Variants in MACROD2 observed in about 807,000 individuals in gnomAD.
The protein encoded by MACROD2 is ADP-ribose glycohydrolase MACROD2.
Under a neutral mutation model 70.4 loss-of-function variants are expected in MACROD2, and 36 were observed. That is an observed-to-expected ratio of 0.51 (90% CI 0.39 to 0.68). MACROD2 has a LOEUF of 0.68. MACROD2 is among the 30% of genes least tolerant of loss of function. MACROD2 has a pLI of 0.00. For synonymous variants in MACROD2, 172 were observed against 178.8 expected (o/e 0.96, Z 0.30); for missense variants, 496 against 538.4 (o/e 0.92, Z 0.78).
intron 3 of MACROD2, among the ~76,000 whole-genome samples, chr20:14,207,354 C>T (rs1357821284): frequency 6.6e-6 from 1 of 152,150 alleles, no homozygotes; most frequent in African/African-American, 2.4e-5. Flanking sequence ...CCCGTCTTGG[C>T]CTCCCAAAGT....
intron 3 of MACROD2, among the ~76,000 whole-genome samples, chr20:14,452,787 A>T (rs1454669436): frequency 6.6e-6 from 1 of 152,102 alleles, no homozygotes; most frequent in Non-Finnish European, 1.5e-5. Flanking sequence ...GATTTTTTGC[A>T]TTTAGATTTG....
intron 10 of MACROD2, among the ~76,000 whole-genome samples, chr20:15,912,272 G>C (rs1021926207): frequency 2.6e-5 from 4 of 152,114 alleles, no homozygotes; most frequent in Non-Finnish European, 5.9e-5. Context: ...ATTTCCCTTT[G>C]GGTGTTCAAT....
intron 6 of MACROD2, among the ~76,000 whole-genome samples, chr20:15,386,302 G>T (rs187171610): frequency 8.4e-4 from 128 of 152,234 alleles, no homozygotes; most frequent in African/African-American, 3.1e-3. Flanking sequence ...ATATTAGCTC[G>T]TTTTCGTCTA....
At chr20:15,235,872 A>G (rs1016937852) in intron 6 of MACROD2, among the ~76,000 whole-genome samples, 2 of 152,158 alleles carry the variant, frequency 1.3e-5, no homozygotes, top group Admixed American at 6.5e-5. Context: ...ACCCTCTTCT[A>G]CAGGGCTGTC....
In MACROD2 at chr20:14,322,785, A is replaced by G. The variant is rs1370139231; in HGVS notation, c.272-170694A>G. Among the ~76,000 whole-genome samples the G allele has an allele frequency of 3.9e-5, 6 of 152,278 alleles. No individual in the cohort carries two copies. The East Asian group carries it at 7.7e-4, about 20-fold the overall frequency. ...ATTTGTTGACCATAATAATAGTAGT[A>G]ACTTGTATTTTGTAGAAGATTATAC... On this transcript the variant is annotated intron_variant, in intron 3 of 17. Coordinates refer to ENST00000684519, the MANE Select transcript of MACROD2 (RefSeq NM_001351661.2).
intron 5 of MACROD2, among the ~76,000 whole-genome samples, chr20:14,993,741 T>C (rs1278294806): frequency 5.9e-5 from 9 of 152,206 alleles, no homozygotes. Flanking sequence ...AACTGACAGC[T>C]GAAGTGAAGG....
chr20:15,066,590 G>T (rs2075577229), intron 5 of MACROD2, among the ~76,000 whole-genome samples: 1 of 152,000 alleles, frequency 6.6e-6, no homozygotes, highest in Admixed American at 6.6e-5. Flanking sequence ...TAAAAGTGCA[G>T]TGAACTCGGC....
chr20:15,591,163 G>C (rs1041666634), intron 8 of MACROD2, among the ~76,000 whole-genome samples: 4 of 152,136 alleles, frequency 2.6e-5, no homozygotes, highest in African/African-American at 9.7e-5. Flanking sequence ...GTACCTTTCT[G>C]GTATTCTATC....
chr20:15,159,219 T>G (rs2076330263), intron 5 of MACROD2, among the ~76,000 whole-genome samples: 1 of 152,100 alleles, frequency 6.6e-6, no homozygotes, highest in Admixed American at 6.6e-5. Flanking sequence ...GTAAAGCCAC[T>G]GGGGGAAAAA....
intron 2 of MACROD2, among the ~76,000 whole-genome samples, chr20:14,069,798 G>C (rs2053814632): frequency 6.6e-6 from 1 of 150,608 alleles, no homozygotes; most frequent in Admixed American, 6.6e-5. Context: ...AATGACTTTG[G>C]GCTTTTCCAT....
In MACROD2 at chr20:16,035,113, AATATAATATAAAATATTATATATTAT is replaced by A. The variant is rs1568725871; in HGVS notation, c.1154-6083_1154-6058del. 5.7e-4 allele frequency among the ~76,000 whole-genome samples: 44 copies of A among 77,104 alleles called. 4 individuals are homozygous for A. Among genetic ancestry groups the A allele is most frequent in the African/African-American group, 2.8e-3 (34 of 12,084 alleles). The allele number at this position is 77,104 out of a possible 152,430, so 50.6% of individuals were successfully genotyped here. On this transcript the variant is annotated intron_variant, in intron 15 of 17. Coordinates refer to ENST00000684519, the MANE Select transcript of MACROD2 (RefSeq NM_001351661.2). Reference sequence around the variant, plus strand: ...ATAAAATATTATATATTATATATAAAATATAATATAAAATATTATATATTATATATTATATATAAAATATAATATAA... The same window carrying A: ...ATAAAATATTATATATTATATATAAAATATTATATATAAAATATAATATAA...
chr20:14,851,221 T>C (rs529653346), intron 5 of MACROD2, among the ~76,000 whole-genome samples: 1 of 152,268 alleles, frequency 6.6e-6, no homozygotes, highest in South Asian at 2.1e-4. Flanking sequence ...CTTGAACATT[T>C]TGATTTCATT....
At chr20:14,959,370 T>C (rs569107392) in intron 5 of MACROD2, among the ~76,000 whole-genome samples, 1 of 152,248 alleles carries the variant, frequency 6.6e-6, no homozygotes, top group African/African-American at 2.4e-5. Context: ...CCTCAGGTGA[T>C]CCACCCACCT....
intron 8 of MACROD2, among the ~76,000 whole-genome samples, chr20:15,728,452 C>T (rs11905465): frequency 0.064 from 9,714 of 151,782 alleles, 994 homozygotes; most frequent in African/African-American, 0.22. Context: ...TCCAACTTTT[C>T]GGAGTAATTT....
intron 8 of MACROD2, among the ~76,000 whole-genome samples, chr20:15,834,703 T>C (rs1443095261): frequency 6.6e-6 from 1 of 152,228 alleles, no homozygotes; most frequent in Non-Finnish European, 1.5e-5. Flanking sequence ...TTAGACACTC[T>C]GATGATTTAA....
intron 6 of MACROD2, among the ~76,000 whole-genome samples, chr20:15,247,684 A>T (rs1466195329): frequency 6.6e-6 from 1 of 152,016 alleles, no homozygotes; most frequent in Admixed American, 6.6e-5. Flanking sequence ...ACAGTTAGTA[A>T]TAAATGAGCT....
At chr20:14,996,399 G>A (rs968685510) in intron 5 of MACROD2, among the ~76,000 whole-genome samples, 1 of 152,130 alleles carries the variant, frequency 6.6e-6, no homozygotes, top group Non-Finnish European at 1.5e-5. Flanking sequence ...ATAAAGAAAA[G>A]CCCATTGAAG....
intron 4 of MACROD2, among the ~76,000 whole-genome samples, chr20:14,602,346 G>T (rs1053572482): frequency 6.6e-6 from 1 of 152,170 alleles, no homozygotes; most frequent in Non-Finnish European, 1.5e-5. Context: ...CCCTTACTGC[G>T]CATGTGTTAA....
intron 5 of MACROD2, among the ~76,000 whole-genome samples, chr20:14,731,864 G>GAT (rs1600599636): frequency 6.6e-6 from 1 of 152,134 alleles, no homozygotes. Context: ...AGACATTAAA[G>GAT]ATATTTGCAA....
Sources: allele counts gnomAD v4.1 joint callset (sites outside exome capture counted in the v4.1 genomes callset), GRCh38; gene constraint gnomAD v4.1.1; transcripts MANE v1.5; gene names NCBI Gene and HGNC (gene_info 2026-07-23, HGNC 2026-07-21).